MMP24: variants seen among roughly 807,000 people sequenced by gnomAD.
MMP24 encodes the protein matrix metallopeptidase 24, also known as matrix metalloproteinase-24.
A neutral mutation model predicts 62.8 loss-of-function variants in MMP24; 25 were observed. The ratio of observed to expected loss-of-function variants is 0.40; its 90% CI spans 0.29 to 0.56. The LOEUF (loss-of-function observed/expected upper bound fraction) is 0.56, where lower values mean the gene tolerates loss of function less well. Ranked by LOEUF, MMP24 falls within the 20% of genes least tolerant of loss-of-function variation. The pLI, the probability that MMP24 is intolerant of heterozygous loss-of-function variation, is 0.50. For synonymous variants in MMP24, 319 were observed against 350.5 expected (o/e 0.91, Z 1.00); for missense variants, 634 against 853.6 (o/e 0.74, Z 3.21).
In MMP24 at chr20:35,254,723, G is replaced by C; in HGVS notation, c.786G>C (p.Glu262Asp). Residue 262 changes from glutamate (E) to aspartate (D), a missense_variant, in exon 4 of 9, where the codon GAG (glutamate) becomes GAC (aspartate). Transcript: ENST00000246186. ...IGGDTHFDSD[E>D]PWTLGNANHD... The stretch of plus-strand genomic sequence containing the variant: ...GAGACACCCACTTTGACTCCGATGA[G>C]CCATGGACGCTAGGAAATGCCAACC... 1 of 1,613,710 alleles carries C rather than the reference G, an allele frequency of 6.2e-7. No individual in the cohort carries two copies. Among genetic ancestry groups the C allele is most frequent in the Non-Finnish European group, 8.5e-7 (1 of 1,179,700 alleles).
chr20:35,273,228 C>CA lies in MMP24; in HGVS notation c.1601-1034dup, dbSNP rs1309511005. ...AGTAACATAGTGAGATTCATCTCTA[C>CA]AAAAAAAAAATACAAAAATTAGCTG... On this transcript the variant is annotated intron_variant, in intron 8 of 8. Transcript: ENST00000246186. Among the ~76,000 whole-genome samples the CA allele has an allele frequency of 8.5e-3, 1,236 of 145,812 alleles. 6 individuals are homozygous for CA. The highest frequency in any genetic ancestry group is 0.025 in the Middle Eastern group (7 of 284).
rs775706200 is a variant in MMP24 at position 35,269,911 on chromosome 20, G to C, written c.1333+13G>C. ...GTCTTCTTCAAAGGTAATGTAGACTGTGCTGTGGGACAGTTCCCTGCCCAA... is the reference window on the plus strand; with the variant it reads ...GTCTTCTTCAAAGGTAATGTAGACTCTGCTGTGGGACAGTTCCCTGCCCAA... On this transcript the variant is annotated intron_variant, in intron 7 of 8. Coordinates refer to ENST00000246186, the MANE Select transcript of MMP24 (RefSeq NM_006690.4). This position sits in a 1 kb window ranked among gnomAD's most constrained non-coding sequence, Gnocchi z 4.6. 2 of 1,551,784 alleles carry C rather than the reference G, an allele frequency of 1.3e-6. No individual in the cohort carries two copies. Among genetic ancestry groups the C allele is most frequent in the South Asian group, 2.4e-5 (2 of 84,064 alleles).
intron 1 of MMP24, among the ~76,000 whole-genome samples, chr20:35,239,642 G>A (rs748582558): frequency 3.3e-5 from 5 of 152,076 alleles, no homozygotes; most frequent in Admixed American, 6.6e-5. Context: ...GCAACACAGC[G>A]AGACTTCGTC....
chr20:35,255,096 C>CAAGGCAA (rs1048621460), intron 4 of MMP24, among the ~76,000 whole-genome samples: 1 of 152,138 alleles, frequency 6.6e-6, no homozygotes, highest in African/African-American at 2.4e-5. Flanking sequence ...TTTGGGAGGC[C>CAAGGCAA]AAGGCAGGTG....
intron 3 of MMP24, among the ~76,000 whole-genome samples, chr20:35,253,270 C>CTTTTTTTTTTTTGTTTTT (rs2060557302): frequency 1.3e-5 from 1 of 79,078 alleles, no homozygotes; most frequent in Non-Finnish European, 2.3e-5. Flanking sequence ...CAGAACGGGA[C>CTTTTTTTTTTTTGTTTTT]TTTTTTTTTT....
chr20:35,258,770 C>T lies in MMP24; in HGVS notation c.817+4016C>T, dbSNP rs534037562. On this transcript the variant is annotated intron_variant, in intron 4 of 8. Coordinates refer to ENST00000246186, the MANE Select transcript of MMP24 (RefSeq NM_006690.4). Reference sequence around the variant, plus strand: ...TTCAGGTTGTGTCAGCCTGACCCAACCATTATACAATTCACCTGGAGAACT... The same window carrying T: ...TTCAGGTTGTGTCAGCCTGACCCAATCATTATACAATTCACCTGGAGAACT... 2.9e-3 allele frequency among the ~76,000 whole-genome samples: 448 copies of T among 151,968 alleles called. 3 individuals are homozygous for T. The highest frequency in any genetic ancestry group is 0.011 in the African/African-American group (436 of 41,428).
At chr20:35,230,751 T>C (rs2060434009) in intron 1 of MMP24, among the ~76,000 whole-genome samples, 1 of 152,210 alleles carries the variant, frequency 6.6e-6, no homozygotes, top group Non-Finnish European at 1.5e-5. Flanking sequence ...ACTTCTTTAA[T>C]TGAGTTGCCC....
chr20:35,231,472 A>G (rs936372383), intron 1 of MMP24, among the ~76,000 whole-genome samples: 2 of 152,098 alleles, frequency 1.3e-5, no homozygotes, highest in Non-Finnish European at 2.9e-5. Flanking sequence ...AAAACTCACT[A>G]TTAGGAAGTT....
chr20:35,268,561 A>G (rs1209403179), intron 6 of MMP24, among the ~76,000 whole-genome samples: 1 of 152,246 alleles, frequency 6.6e-6, no homozygotes, highest in Non-Finnish European at 1.5e-5. Context: ...AAGTCAAAAT[A>G]AGGTCAAAAA....
chr20:35,237,965 G>A (rs1235285297), intron 1 of MMP24, among the ~76,000 whole-genome samples: 1 of 152,210 alleles, frequency 6.6e-6, no homozygotes, highest in African/African-American at 2.4e-5. Flanking sequence ...CCAGTTGTAA[G>A]CATTAAGCCA....
In MMP24 at chr20:35,254,723, G is replaced by A; in HGVS notation, c.786G>A (p.Glu262=). 6.2e-7 allele frequency: 1 copy of A among 1,613,710 alleles called. No homozygotes were observed. Among genetic ancestry groups the A allele is most frequent in the Non-Finnish European group, 8.5e-7 (1 of 1,179,700 alleles). The change falls in exon 4 of 9, where the codon GAG becomes GAA. Residue 262 remains glutamate (E), a synonymous_variant. Coordinates refer to ENST00000246186, the MANE Select transcript of MMP24 (RefSeq NM_006690.4). The part of the protein sequence containing the change: ...IGGDTHFDSD[E]PWTLGNANHD... Reference sequence around the variant, plus strand: ...GAGACACCCACTTTGACTCCGATGAGCCATGGACGCTAGGAAATGCCAACC... The same window carrying A: ...GAGACACCCACTTTGACTCCGATGAACCATGGACGCTAGGAAATGCCAACC...
chr20:35,269,068 A>T lies in MMP24; in HGVS notation c.1195-692A>T, dbSNP rs1473060773. On this transcript the variant is annotated intron_variant, in intron 6 of 8. Coordinates refer to ENST00000246186, the MANE Select transcript of MMP24 (RefSeq NM_006690.4). This position sits in a 1 kb window ranked among gnomAD's most constrained non-coding sequence, Gnocchi z 4.6. Reference sequence around the variant, plus strand: ...AAGAAAACTGAGGCCTGGAGGCTACAGGCCTTGCCTAGACTGCTTGTGTAC... The same window carrying T: ...AAGAAAACTGAGGCCTGGAGGCTACTGGCCTTGCCTAGACTGCTTGTGTAC... 1.3e-5 allele frequency among the ~76,000 whole-genome samples: 2 copies of T among 151,902 alleles called. No homozygotes were observed. The highest frequency in any genetic ancestry group is 1.5e-5 in the Non-Finnish European group (1 of 67,980).
chr20:35,264,830 G>C (rs925266037), intron 5 of MMP24, among the ~76,000 whole-genome samples: 2 of 151,860 alleles, frequency 1.3e-5, no homozygotes, highest in Non-Finnish European at 2.9e-5. Context: ...GTTCACACTG[G>C]TATGTGAGGT....
chr20:35,272,185 T>A (rs1477377820), intron 8 of MMP24: 1 of 430,058 alleles, frequency 2.3e-6, no homozygotes, highest in Non-Finnish European at 4.1e-6. Flanking sequence ...CAAAGCCACT[T>A]TTTCACAGGG....
chr20:35,260,538 C>T (rs1396933869), intron 4 of MMP24, among the ~76,000 whole-genome samples: 1 of 152,218 alleles, frequency 6.6e-6, no homozygotes. Context: ...AGGAGCACAG[C>T]CAGGACTGGA....
intron 6 of MMP24, among the ~76,000 whole-genome samples, chr20:35,268,700 G>A (rs902886823): frequency 1.3e-5 from 2 of 152,178 alleles, no homozygotes; most frequent in Non-Finnish European, 1.5e-5. Context: ...AGGCAGGTCC[G>A]GGTTTTATCA....
rs2060656003 is a variant in MMP24 at position 35,269,622 on chromosome 20, G to T, written c.1195-138G>T. ...AGGAGCATCCTGTCTTCCTCCCAGG[G>T]CTTTAAAAGTCAGAAGCAGCTAATG... is the stretch of plus-strand genomic sequence containing the variant. On this transcript the variant is annotated intron_variant, in intron 6 of 8. Coordinates refer to ENST00000246186, the MANE Select transcript of MMP24 (RefSeq NM_006690.4). This position sits in a 1 kb window ranked among gnomAD's most constrained non-coding sequence, Gnocchi z 4.6. 3 of 1,048,456 alleles carry T rather than the reference G, an allele frequency of 2.9e-6. No individual in the cohort carries two copies. The highest frequency in any genetic ancestry group is 2.8e-5 in the Admixed American group (1 of 36,146). 64.9% of individuals were successfully genotyped at this position (1,048,456 alleles called of 1,614,324 possible).
chr20:35,231,344 G>A (rs188896070), intron 1 of MMP24, among the ~76,000 whole-genome samples: 67 of 152,236 alleles, frequency 4.4e-4, no homozygotes, highest in African/African-American at 1.5e-3. Context: ...GATTGACCCC[G>A]AATGATTGGA....
chr20:35,243,844 T>C (rs1372033724), intron 1 of MMP24, among the ~76,000 whole-genome samples: 1 of 152,222 alleles, frequency 6.6e-6, no homozygotes, highest in African/African-American at 2.4e-5. Flanking sequence ...CATGTATTAA[T>C]ACAAAGGCAG....
Sources: gnomAD v4.1 joint callset for allele counts (sites outside exome capture counted in the v4.1 genomes callset) on GRCh38, gnomAD v4.1.1 for gene constraint, Gnocchi (gnomAD v3.1) non-coding constraint, MANE v1.5 for transcripts, NCBI Gene and HGNC (gene_info 2026-07-23, HGNC 2026-07-21) for gene names.